DGKB: variants seen among roughly 807,000 people sequenced by gnomAD.
The protein encoded by DGKB is diacylglycerol kinase beta.
DGKB carries 67 observed loss-of-function variants against 114.3 expected under a neutral mutation model. That is an observed-to-expected ratio of 0.59 (90% confidence interval 0.48 to 0.72). DGKB has a LOEUF of 0.72. DGKB is among the 30% of genes least tolerant of loss of function. The pLI, the probability that DGKB is intolerant of heterozygous loss-of-function variation, is 0.00. For synonymous variants in DGKB, 398 were observed against 323.1 expected, an observed-to-expected ratio of 1.23 and a Z score of -2.49; for missense variants, 907 against 975.2, an observed-to-expected ratio of 0.93 and a Z score of 0.93.
chr7:14,455,954 A>G (rs76155565), intron 21 of DGKB, among the ~76,000 whole-genome samples: 1 of 152,008 alleles, frequency 6.6e-6, no homozygotes, highest in African/African-American at 2.4e-5. Context: ...TTGTGCCTTC[A>G]CTATTTAAAA....
chr7:14,790,407 C>A (rs942800836), intron 2 of DGKB, among the ~76,000 whole-genome samples: 4 of 151,852 alleles, frequency 2.6e-5, no homozygotes, highest in Non-Finnish European at 4.4e-5. Context: ...ACATTTTTTT[C>A]ACCCAAAAAC....
chr7:14,553,753 A>C (rs530779724), intron 20 of DGKB, among the ~76,000 whole-genome samples: 1 of 151,506 alleles, frequency 6.6e-6, no homozygotes, highest in East Asian at 1.9e-4. Context: ...TACATTAAGA[A>C]GTTTTATTTC....
At chr7:14,574,132 T>C (rs1798774757) in intron 20 of DGKB, 80 bp downstream of exon 20, 3 of 1,113,860 alleles carry the variant, frequency 2.7e-6, no homozygotes, top group Non-Finnish European at 3.8e-6. Context: ...TTATAATCAG[T>C]AAATTTTCAT....
Position 14,599,104 on chromosome 7 carries a change from T to G in DGKB, c.1433+8330A>C, listed in dbSNP as rs115616384. ...GATCTCTCTTCCTTGGACGTGTGTCTTACACATTACAAGAGGATAACACAG... is the reference window on the plus strand; with the variant it reads ...GATCTCTCTTCCTTGGACGTGTGTCGTACACATTACAAGAGGATAACACAG... On this transcript the variant is annotated intron_variant, in intron 17 of 25. Coordinates refer to ENST00000402815, the MANE Select transcript of DGKB (RefSeq NM_001350709.2). Among the ~76,000 whole-genome samples, 930 of 152,324 alleles carry G rather than the reference T, an allele frequency of 6.1e-3. 8 individuals carry two copies. The highest frequency in any genetic ancestry group is 0.021 in the African/African-American group (859 of 41,584).
chr7:14,952,633 C>A (rs1355805324), intron 1 of DGKB, among the ~76,000 whole-genome samples: 1 of 151,726 alleles, frequency 6.6e-6, no homozygotes, highest in Non-Finnish European at 1.5e-5. Flanking sequence ...GCGCACGTCT[C>A]TAATGCCAGC....
At chr7:14,899,755 T>A (rs2128236102) in intron 1 of DGKB, among the ~76,000 whole-genome samples, 1 of 152,276 alleles carries the variant, frequency 6.6e-6, no homozygotes, top group African/African-American at 2.4e-5. Context: ...GTGGATCCAA[T>A]TTTGGGTATC....
intron 13 of DGKB, among the ~76,000 whole-genome samples, chr7:14,643,172 G>A (rs1302813978): frequency 1.3e-5 from 2 of 152,150 alleles, no homozygotes; most frequent in South Asian, 2.1e-4. Flanking sequence ...AAAGCAGCTA[G>A]CCAGGATCAG....
intron 21 of DGKB, among the ~76,000 whole-genome samples, chr7:14,369,355 A>G (rs181149017): frequency 1.0e-3 from 152 of 152,232 alleles, no homozygotes; most frequent in Non-Finnish European, 7.4e-4. Context: ...AGTCTTTGCT[A>G]TTGTGAACAG....
chr7:14,491,726 A>T (rs2128934002), intron 20 of DGKB, among the ~76,000 whole-genome samples: 1 of 152,264 alleles, frequency 6.6e-6, no homozygotes, highest in South Asian at 2.1e-4. Context: ...GTTAAAAAAC[A>T]AAATATCGTT....
intron 23 of DGKB, among the ~76,000 whole-genome samples, chr7:14,179,995 T>A (rs1411493430): frequency 6.6e-6 from 1 of 152,176 alleles, no homozygotes; most frequent in East Asian, 1.9e-4. Flanking sequence ...CACTAAAATG[T>A]GCTTGGCTCT....
At chr7:14,363,655 A>C (rs1300449544) in intron 21 of DGKB, among the ~76,000 whole-genome samples, 1 of 152,092 alleles carries the variant, frequency 6.6e-6, no homozygotes, top group Non-Finnish European at 1.5e-5. Context: ...TGGAGGATAC[A>C]GTTAGTAGCA....
intron 16 of DGKB, among the ~76,000 whole-genome samples, chr7:14,611,258 T>C (rs981902003): frequency 1.3e-5 from 2 of 152,164 alleles, no homozygotes; most frequent in African/African-American, 4.8e-5. Flanking sequence ...AACAGATCTA[T>C]TTATGTCCCT....
At chr7:14,188,896 GA>G (rs959133469) in intron 23 of DGKB, among the ~76,000 whole-genome samples, 2 of 151,496 alleles carry the variant, frequency 1.3e-5, no homozygotes, top group South Asian at 2.1e-4. Flanking sequence ...AGTGCTGAAA[GA>G]AAAAAAAGCT....
intron 21 of DGKB, among the ~76,000 whole-genome samples, chr7:14,365,941 G>A (rs563897301): frequency 3.3e-5 from 5 of 152,170 alleles, no homozygotes; most frequent in East Asian, 3.9e-4. Flanking sequence ...GGTGTGAACC[G>A]TCTGCCCTGA....
intron 23 of DGKB, among the ~76,000 whole-genome samples, chr7:14,287,062 T>A (rs2128465507): frequency 6.6e-6 from 1 of 152,246 alleles, no homozygotes; most frequent in Non-Finnish European, 1.5e-5. Context: ...ATCTCTACCA[T>A]TTCTTTCAGC....
At chr7:14,488,866 C>A (rs1183617025) in intron 20 of DGKB, among the ~76,000 whole-genome samples, 100 of 31,494 alleles carry the variant, frequency 3.2e-3, no homozygotes, top group African/African-American at 0.019. Context: ...AAAAACCCAA[C>A]AACAACAACA....
At chr7:14,430,779 G>A (rs1828336082) in intron 21 of DGKB, among the ~76,000 whole-genome samples, 1 of 152,030 alleles carries the variant, frequency 6.6e-6, no homozygotes, top group South Asian at 2.1e-4. Context: ...AATTTCATTG[G>A]CACATTTTTA....
intron 21 of DGKB, among the ~76,000 whole-genome samples, chr7:14,398,395 C>G (rs1822569254): frequency 6.6e-6 from 1 of 151,956 alleles, no homozygotes; most frequent in South Asian, 2.1e-4. Flanking sequence ...GTACTAAAGG[C>G]ATAATTCATT....
At chr7:14,709,967 TAA>T (rs543470972) in intron 6 of DGKB, among the ~76,000 whole-genome samples, 1,240 of 123,836 alleles carry the variant, frequency 0.01, 15 homozygotes, top group African/African-American at 0.035. Flanking sequence ...AAAGTATAAT[TAA>T]AAAAAAAAAA....
Sources: allele counts gnomAD v4.1 joint callset (sites outside exome capture counted in the v4.1 genomes callset), GRCh38; gene constraint gnomAD v4.1.1; transcripts MANE v1.5; gene names NCBI Gene and HGNC (gene_info 2026-07-23, HGNC 2026-07-21).